Variants in CYLD observed in about 807,000 individuals in gnomAD.
The protein encoded by CYLD is ubiquitin carboxyl-terminal hydrolase CYLD.
In CYLD, 26 loss-of-function variants were observed where a neutral mutation model predicts 104.5. The observed-to-expected ratio is 0.25, with a 90% confidence interval of 0.18 to 0.35. The LOEUF is 0.35. Ranked by LOEUF, CYLD falls within the 10% of genes least tolerant of loss-of-function variation. CYLD has a pLI of 1.00. For missense variants in CYLD, 703 were observed against 1,136.1 expected (o/e 0.62, Z 5.48); for synonymous variants, 385 against 399.9 (o/e 0.96, Z 0.45).
intron 5 of CYLD, among the ~76,000 whole-genome samples, chr16:50,770,740 T>C (rs990517854): frequency 6.6e-6 from 1 of 152,152 alleles, no homozygotes; most frequent in Non-Finnish European, 1.5e-5. Context: ...CATGAGCCCC[T>C]GCACCCAGCC....
rs1362629682 is a variant in CYLD at position 50,777,953 on chromosome 16, T to C, written c.1138+12T>C. ...GTACATTGATGAAGGTAATCAGTAA[T>C]TTTAGTGTTCTTTATAATGATCCTT... On this transcript the variant is annotated intron_variant, in intron 8 of 18. Transcript: ENST00000427738. 1 of 1,363,426 alleles carries C rather than the reference T, an allele frequency of 7.3e-7. No individual in the cohort carries two copies. Among genetic ancestry groups the C allele is most frequent in the South Asian group, 1.2e-5 (1 of 85,838 alleles). The allele number at this position is 1,363,426 out of a possible 1,614,324, so 84.5% of individuals were successfully genotyped here.
chr16:50,775,036 A>T (rs942827913), intron 5 of CYLD, 130 bp from the exon 6 acceptor site: 6 of 728,152 alleles, frequency 8.2e-6, no homozygotes, highest in Non-Finnish European at 1.4e-5. Context: ...TTTACATATA[A>T]TTCATTTAGT....
intron 14 of CYLD, among the ~76,000 whole-genome samples, chr16:50,790,921 A>G (rs1434082156): frequency 1.3e-5 from 2 of 152,222 alleles, no homozygotes; most frequent in Non-Finnish European, 2.9e-5. Flanking sequence ...TGCTCAAAAT[A>G]TAAGAGTAAC....
At chr16:50,762,109 C>A (rs1327780863) in intron 5 of CYLD, among the ~76,000 whole-genome samples, 1 of 152,140 alleles carries the variant, frequency 6.6e-6, no homozygotes, top group Non-Finnish European at 1.5e-5. Flanking sequence ...TCAGCACATC[C>A]ATCACTGGAG....
chr16:50,773,530 T>C (rs946951778), intron 5 of CYLD, among the ~76,000 whole-genome samples: 1 of 152,228 alleles, frequency 6.6e-6, no homozygotes, highest in African/African-American at 2.4e-5. Context: ...AGCTTTTGAT[T>C]AGAATGAATA....
At chr16:50,751,476 G>A in intron 3 of CYLD, 128 bp from the exon 4 acceptor site, 1 of 680,602 alleles carries the variant, frequency 1.5e-6, no homozygotes, top group African/African-American at 1.8e-5. Flanking sequence ...GCTAATAATT[G>A]TATTTCTTAT....
Position 50,796,645 on chromosome 16 carries a change from C to T in CYLD, c.*137C>T. ...GATGATCCTTCAGAAAAGGATGCCT[C>T]TGTTTAAAAACAAATTGCTTTTGTG... On this transcript the variant is annotated 3_prime_UTR_variant, in exon 19 of 19. Transcript: ENST00000427738. 1 of 907,130 alleles carries T rather than the reference C, an allele frequency of 1.1e-6. No homozygotes were observed. The highest frequency in any genetic ancestry group is 1.4e-5 in the South Asian group (1 of 72,696). 56.2% of individuals were successfully genotyped at this position (907,130 alleles called of 1,614,324 possible).
Position 50,779,975 on chromosome 16 carries a change from T to C in CYLD, c.1449T>C (p.Pro483=). 1 of 1,614,170 alleles carries C rather than the reference T, an allele frequency of 6.2e-7. No homozygotes were observed. The highest frequency in any genetic ancestry group is 8.5e-7 in the Non-Finnish European group (1 of 1,179,994). Residue 483 remains proline (P), a synonymous_variant, in exon 9 of 19, where the codon CCT becomes CCC. Coordinates refer to ENST00000427738, the MANE Select transcript of CYLD (RefSeq NM_001378743.1). Reference sequence around the variant, plus strand: ...TGGCTGAAGTTAAGGAGAACCCTCCTTTCTATGGGGTAATCCGTTGGATCG... The same window carrying C: ...TGGCTGAAGTTAAGGAGAACCCTCCCTTCTATGGGGTAATCCGTTGGATCG... The part of the protein sequence containing the change: ...GSLAEVKENP[P]FYGVIRWIGQ...
rs201666656 is a variant in CYLD, at chr16:50,749,937, C to T, written c.239C>T (p.Ala80Val). Residue 80 changes from alanine to valine, a missense_variant, in exon 3 of 19, where the codon GCA becomes GTA. Coordinates refer to ENST00000427738, the MANE Select transcript of CYLD (RefSeq NM_001378743.1). ...TTAAAAATTCTAGAGCAACCTCATG[C>T]AGTTCTCTTTGTTGATGAAAAGGAT... Reference protein sequence around the residue: ...IGLKILEQPHAVLFVDEKDVV... With the variant: ...IGLKILEQPHVVLFVDEKDVV... 1.9e-6 allele frequency: 3 copies of T among 1,614,116 alleles called. No individual in the cohort carries two copies. The highest frequency in any genetic ancestry group is 4.5e-5 in the East Asian group (2 of 44,882).
intron 4 of CYLD, among the ~76,000 whole-genome samples, chr16:50,753,278 A>T (rs949190964): frequency 1.3e-5 from 2 of 152,198 alleles, no homozygotes; most frequent in African/African-American, 2.4e-5. Flanking sequence ...ATAGTAATTC[A>T]GTCTTTATTT....
At chr16:50,771,929 T>C (rs1213344044) in intron 5 of CYLD, among the ~76,000 whole-genome samples, 2 of 152,200 alleles carry the variant, frequency 1.3e-5, no homozygotes, top group African/African-American at 4.8e-5. Flanking sequence ...TCTGTCCTAC[T>C]GCCCATACCA....
intron 4 of CYLD, among the ~76,000 whole-genome samples, chr16:50,753,838 G>C (rs1966812436): frequency 6.6e-6 from 1 of 152,170 alleles, no homozygotes; most frequent in Non-Finnish European, 1.5e-5. Flanking sequence ...TTAGAAAATA[G>C]ACTTTTTATG....
chr16:50,764,153 T>C (rs1968244256), intron 5 of CYLD, among the ~76,000 whole-genome samples: 1 of 152,212 alleles, frequency 6.6e-6, no homozygotes, highest in Non-Finnish European at 1.5e-5. Flanking sequence ...TATTGGCCTA[T>C]ACTTTTTCCC....
chr16:50,768,937 C>G (rs940997751), intron 5 of CYLD, among the ~76,000 whole-genome samples: 1 of 152,150 alleles, frequency 6.6e-6, no homozygotes, highest in Non-Finnish European at 1.5e-5. Flanking sequence ...CACTTGTTCA[C>G]ATTTTTAAGG....
chr16:50,755,878 C>T (rs2150924004), intron 5 of CYLD, among the ~76,000 whole-genome samples: 1 of 152,176 alleles, frequency 6.6e-6, no homozygotes, highest in East Asian at 1.9e-4. Flanking sequence ...TAAGTCTCAT[C>T]TATTTATCAT....
chr16:50,781,110 A>G (rs1970176835), intron 9 of CYLD, 136 bp from the exon 10 acceptor site: 1 of 893,550 alleles, frequency 1.1e-6, no homozygotes, highest in Non-Finnish European at 1.8e-6. Context: ...CTTTTTCTTG[A>G]TGAGGTTCTC....
At chr16:50,779,415 G>A (rs1969996938) in intron 8 of CYLD, among the ~76,000 whole-genome samples, 1 of 151,988 alleles carries the variant, frequency 6.6e-6, no homozygotes, top group Non-Finnish European at 1.5e-5. Context: ...TCACGTATAC[G>A]ATACCCGCTG....
chr16:50,778,450 C>T (rs190982318), intron 8 of CYLD, among the ~76,000 whole-genome samples: 10 of 152,282 alleles, frequency 6.6e-5, no homozygotes, highest in Admixed American at 2.6e-4. Context: ...CAAACAACCA[C>T]AGACACAGTA....
chr16:50,791,574 G>A lies in CYLD; in HGVS notation c.2125G>A (p.Val709Ile). ...TGTTTTTAGATCAGCAGGTCAAAAG[G>A]TACAAGATTGTTACTTCTATCAAAT... ...LLKIRSAGQK[V>I]QDCYFYQIFM... Residue 709 changes from valine to isoleucine, a missense_variant, in exon 15 of 19, where the codon GTA becomes ATA. Transcript: ENST00000427738. 2 of 1,613,818 alleles carry A rather than the reference G, an allele frequency of 1.2e-6. No homozygotes were observed. The highest frequency in any genetic ancestry group is 2.2e-5 in the East Asian group (1 of 44,808).
Sources: gnomAD v4.1 joint callset for allele counts (sites outside exome capture counted in the v4.1 genomes callset) on GRCh38, gnomAD v4.1.1 for gene constraint, MANE v1.5 for transcripts, NCBI Gene and HGNC (gene_info 2026-07-23, HGNC 2026-07-21) for gene names.